MCCC1: variants seen among roughly 807,000 people sequenced by gnomAD.
MCCC1 encodes methylcrotonyl-CoA carboxylase subunit 1, also known as methylcrotonoyl-CoA carboxylase subunit alpha, mitochondrial.
A neutral mutation model predicts 83.8 loss-of-function variants in MCCC1; 64 were observed. The ratio of observed to expected loss-of-function variants is 0.76; its 90% confidence interval spans 0.62 to 0.94. The LOEUF is 0.94. MCCC1 is among the 40% of genes least tolerant of loss of function. The pLI, the probability that MCCC1 is intolerant of heterozygous loss-of-function variation, is 0.00. For synonymous variants in MCCC1, 322 were observed against 315.4 expected, an observed-to-expected ratio of 1.02 and a Z score of -0.22; for missense variants, 807 against 904.7, an observed-to-expected ratio of 0.89 and a Z score of 1.39.
chr3:183,080,025 C>A (rs1359848370), intron 4 of MCCC1, among the ~76,000 whole-genome samples: 6 of 152,298 alleles, frequency 3.9e-5, no homozygotes, highest in Admixed American at 6.5e-5. Context: ...TCTGGCCTGG[C>A]CCACAAAACC....
rs918225917 is a variant in MCCC1, at chr3:183,017,410, G to C, written c.1978-73C>G. ...AGATATGTTCATCTGCTTCATTATAGTAACCATTTTACTGTCTATATATAC... is the reference window on the plus strand; with the variant it reads ...AGATATGTTCATCTGCTTCATTATACTAACCATTTTACTGTCTATATATAC... On this transcript the variant is annotated intron_variant, in intron 17 of 18. Transcript: ENST00000265594. The C allele has an allele frequency of 2.2e-6, 3 of 1,371,642 alleles. No homozygotes were observed. The African/African-American group carries it at 4.3e-5, about 20-fold the overall frequency. 85.0% of individuals were successfully genotyped at this position (1,371,642 alleles called of 1,614,324 possible). A position where few individuals can be genotyped will look rare whatever the true frequency, so the allele number is the denominator to read the frequency against.
rs544031567 is a variant in MCCC1 at position 183,081,607 on chromosome 3, G to A, written c.369+5086C>T. Reference sequence around the variant, plus strand: ...TACCAAGTGTAAGGTACATAGATGTGCTTTGGTCAAGGAATAGGCTGAGGT... The same window carrying A: ...TACCAAGTGTAAGGTACATAGATGTACTTTGGTCAAGGAATAGGCTGAGGT... On this transcript the variant is annotated intron_variant, in intron 4 of 18. Coordinates refer to ENST00000265594, the MANE Select transcript of MCCC1 (RefSeq NM_020166.5). Among the ~76,000 whole-genome samples the A allele has an allele frequency of 2.0e-5, 3 of 152,318 alleles. No individual in the cohort carries two copies. The East Asian group carries it at 5.8e-4, about 29-fold the overall frequency.
intron 10 of MCCC1, among the ~76,000 whole-genome samples, chr3:183,043,962 C>G (rs1714323030): frequency 6.6e-6 from 1 of 152,158 alleles, no homozygotes; most frequent in Admixed American, 6.5e-5. Flanking sequence ...TCTTGACACT[C>G]ACTAAAACTT....
intron 9 of MCCC1, 90 bp from the exon 10 acceptor site, chr3:183,045,630 G>A (rs540599860): frequency 1.9e-5 from 26 of 1,348,858 alleles, no homozygotes; most frequent in African/African-American, 1.2e-4. Flanking sequence ...AAGTTTTACC[G>A]CTGTCTTCAT....
At chr3:183,059,946 G>A (rs1050227027) in intron 7 of MCCC1, among the ~76,000 whole-genome samples, 2 of 151,988 alleles carry the variant, frequency 1.3e-5, no homozygotes, top group Admixed American at 6.6e-5. Flanking sequence ...AAGATGATGT[G>A]CATAGATGTA....
chr3:183,035,946 A>G (rs1224141096), intron 13 of MCCC1, among the ~76,000 whole-genome samples: 1 of 151,420 alleles, frequency 6.6e-6, no homozygotes, highest in Non-Finnish European at 1.5e-5. Context: ...CATTTACATT[A>G]GGTATATCTC....
At chr3:183,107,687 C>T (rs1037782546) in intron 1 of MCCC1, among the ~76,000 whole-genome samples, 4 of 150,592 alleles carry the variant, frequency 2.7e-5, no homozygotes, top group Non-Finnish European at 5.9e-5. Context: ...GGATTACAGG[C>T]GCATGCCACC....
chr3:183,044,286 T>C (rs983194271), intron 10 of MCCC1, among the ~76,000 whole-genome samples: 3 of 152,186 alleles, frequency 2.0e-5, no homozygotes, highest in African/African-American at 7.2e-5. Flanking sequence ...ATTGTTCTTA[T>C]GAGAACAAAA....
chr3:183,097,297 CTTA>C (rs1560286363), intron 1 of MCCC1, among the ~76,000 whole-genome samples: 1 of 152,014 alleles, frequency 6.6e-6, no homozygotes, highest in Non-Finnish European at 1.5e-5. Context: ...TCTATACCAG[CTTA>C]TTGTCATGTC....
intron 1 of MCCC1, among the ~76,000 whole-genome samples, chr3:183,095,787 G>A (rs972013488): frequency 6.6e-6 from 1 of 152,094 alleles, no homozygotes; most frequent in Non-Finnish European, 1.5e-5. Context: ...CACGAGATGA[G>A]ACTATAAGAG....
chr3:183,054,188 AT>A (rs370883975), intron 8 of MCCC1, among the ~76,000 whole-genome samples: 4,627 of 122,008 alleles, frequency 0.038, 205 homozygotes, highest in African/African-American at 0.12. Flanking sequence ...AGCCAAGAAA[AT>A]TTTTTTTTTT....
intron 1 of MCCC1, among the ~76,000 whole-genome samples, chr3:183,095,110 T>C (rs1021928919): frequency 1.3e-5 from 2 of 152,012 alleles, no homozygotes; most frequent in Admixed American, 6.6e-5. Flanking sequence ...GGTGAAACCC[T>C]GTCTCTACTG....
rs551284905 is a variant in MCCC1, at chr3:183,105,859, G to T, written c.-102+9615C>A. Among the ~76,000 whole-genome samples, 8 of 152,218 alleles carry T rather than the reference G, an allele frequency of 5.3e-5. No individual in the cohort carries two copies. The South Asian group carries it at 1.5e-3, about 28-fold the overall frequency. ...AATCCCAGCATTTTGGGAGGCTGAG[G>T]CAGGTGGATCACGAGGTCAGGAGTT... On this transcript the variant is annotated intron_variant, in intron 1 of 17. Coordinates refer to the MCCC1 transcript ENST00000492597.
At chr3:183,062,014 A>G (rs1715872354) in intron 7 of MCCC1, among the ~76,000 whole-genome samples, 1 of 152,138 alleles carries the variant, frequency 6.6e-6, no homozygotes, top group Non-Finnish European at 1.5e-5. Flanking sequence ...TGATGGTCTT[A>G]TAAAGAGCAG....
At position 183,064,269 on chromosome 3, in the gene MCCC1, TC is replaced by T. The variant is rs1219142792; in HGVS notation, c.761+6729del. ...GAGCTGATGGGACTGCTAGAAAAGA[TC>T]CCCCTTTTTTTTTTAATTCCAAGTG... On this transcript the variant is annotated intron_variant, in intron 7 of 18. Coordinates refer to ENST00000265594, the MANE Select transcript of MCCC1 (RefSeq NM_020166.5). This position sits in a 1 kb window ranked among gnomAD's most constrained non-coding sequence, Gnocchi z 4.5. Among the ~76,000 whole-genome samples, 5 of 31,274 alleles carry T rather than the reference TC, an allele frequency of 1.6e-4. No individual in the cohort carries two copies. The East Asian group carries it at 0.044, about 276-fold the overall frequency. The allele number at this position is 31,274 out of a possible 152,430, so 20.5% of individuals were successfully genotyped here. A position where few individuals can be genotyped will look rare whatever the true frequency, so the allele number is the denominator to read the frequency against.
chr3:183,053,329 A>C (rs1715137207), intron 8 of MCCC1, among the ~76,000 whole-genome samples: 1 of 151,884 alleles, frequency 6.6e-6, no homozygotes, highest in Non-Finnish European at 1.5e-5. Flanking sequence ...TCTCTACAAA[A>C]ATAAAAAAAT....
At chr3:183,030,073 C>T (rs976443927) in intron 14 of MCCC1, among the ~76,000 whole-genome samples, 2 of 152,066 alleles carry the variant, frequency 1.3e-5, no homozygotes, top group Admixed American at 1.3e-4. Context: ...TTTGGGAGGC[C>T]GAGGTGGGCG....
chr3:183,015,359 C>T lies in MCCC1; in HGVS notation c.*79G>A. The T allele has an allele frequency of 2.0e-6, 3 of 1,499,472 alleles. No homozygotes were observed. Among genetic ancestry groups the T allele is most frequent in the Non-Finnish European group, 2.8e-6 (3 of 1,076,622 alleles). 92.9% of individuals were successfully genotyped at this position (1,499,472 alleles called of 1,614,324 possible). On this transcript the variant is annotated 3_prime_UTR_variant, in exon 19 of 19. Transcript: ENST00000265594. ...TTAGTAAAACTGCTCTTTATGAGAC[C>T]CCCAGAAAAGCTGGAGGCACTTCCT...
rs374443299 is a variant in MCCC1, at chr3:183,064,671, C to T, written c.761+6328G>A. Among the ~76,000 whole-genome samples the T allele has an allele frequency of 1.6e-4, 24 of 152,340 alleles. No homozygotes were observed. In the South Asian group the frequency reaches 4.6e-3, roughly 29 times the overall value. On this transcript the variant is annotated intron_variant, in intron 7 of 18. Coordinates refer to ENST00000265594, the MANE Select transcript of MCCC1 (RefSeq NM_020166.5). The surrounding 1 kb of genome is among the most constrained non-coding windows in gnomAD (Gnocchi z 4.5). ...GCGGGCACCGGCGGCCACACTGCCT[C>T]GGCCGACCCACGTCCTGGCATGGCT...
Sources: allele counts gnomAD v4.1 joint callset (sites outside exome capture counted in the v4.1 genomes callset), GRCh38; gene constraint gnomAD v4.1.1; non-coding constraint Gnocchi (gnomAD v3.1); transcripts MANE v1.5; gene names NCBI Gene and HGNC (gene_info 2026-07-23, HGNC 2026-07-21).